SPIDR: variants seen among roughly 807,000 people sequenced by gnomAD.
SPIDR encodes DNA repair-scaffolding protein.
SPIDR carries 93 observed loss-of-function variants against 104.6 expected under a neutral mutation model. That is an observed-to-expected ratio of 0.89 (90% confidence interval 0.75 to 1.06). The LOEUF (loss-of-function observed/expected upper bound fraction) is 1.06. Ranked by LOEUF, SPIDR falls within the 50% of genes least tolerant of loss-of-function variation. SPIDR has a pLI of 0.00. For missense variants in SPIDR, 1,154 were observed against 1,111.2 expected (o/e 1.04, Z -0.55); for synonymous variants, 431 against 416.9 (o/e 1.03, Z -0.41).
At chr8:47,669,327 TGA>T (rs1246119155) in intron 10 of SPIDR, among the ~76,000 whole-genome samples, 1 of 152,222 alleles carries the variant, frequency 6.6e-6, no homozygotes, top group Non-Finnish European at 1.5e-5. Context: ...CGCAGGCTGC[TGA>T]TAAGCTGACG....
chr8:47,400,608 G>A (rs1477289064), intron 6 of SPIDR, among the ~76,000 whole-genome samples: 1 of 151,812 alleles, frequency 6.6e-6, no homozygotes, highest in African/African-American at 2.4e-5. Context: ...GAGCACATTG[G>A]CCCTTCTCTT....
chr8:47,624,458 T>G (rs992677314), intron 10 of SPIDR, among the ~76,000 whole-genome samples: 8 of 152,074 alleles, frequency 5.3e-5, no homozygotes, highest in African/African-American at 1.4e-4. Context: ...CCTGGTTTTT[T>G]GAAAAGATCA....
intron 11 of SPIDR, among the ~76,000 whole-genome samples, chr8:47,682,161 G>A: frequency 6.6e-6 from 1 of 151,502 alleles, no homozygotes; most frequent in African/African-American, 2.4e-5. Context: ...ACATGAAATG[G>A]GCCATAAAAG....
intron 5 of SPIDR, among the ~76,000 whole-genome samples, chr8:47,392,653 TA>T (rs1488163809): frequency 2.0e-5 from 3 of 152,242 alleles, no homozygotes; most frequent in Non-Finnish European, 4.4e-5. Context: ...TTACTGATGT[TA>T]AATTCTTCAC....
At chr8:47,497,708 T>C (rs2079663540) in intron 8 of SPIDR, among the ~76,000 whole-genome samples, 1 of 152,310 alleles carries the variant, frequency 6.6e-6, no homozygotes. Flanking sequence ...TGATTTTTTT[T>C]GGTAAGGCTT....
At chr8:47,602,420 C>T (rs180980748) in intron 10 of SPIDR, among the ~76,000 whole-genome samples, 1 of 152,310 alleles carries the variant, frequency 6.6e-6, no homozygotes, top group Admixed American at 6.5e-5. Flanking sequence ...TCAAACTATC[C>T]GTGAACTTAA....
intron 8 of SPIDR, among the ~76,000 whole-genome samples, chr8:47,539,183 A>G (rs1387395102): frequency 3.9e-5 from 6 of 152,268 alleles, no homozygotes. Context: ...TTTGAAAAAA[A>G]TGCTGAGAGA....
chr8:47,368,490 A>G (rs2057549954), intron 5 of SPIDR, among the ~76,000 whole-genome samples: 2 of 150,990 alleles, frequency 1.3e-5, no homozygotes, highest in Non-Finnish European at 2.9e-5. Flanking sequence ...AGATCCTTGG[A>G]TCCTGGTGTC....
intron 8 of SPIDR, among the ~76,000 whole-genome samples, chr8:47,443,992 A>G (rs1394803803): frequency 6.6e-6 from 1 of 152,196 alleles, no homozygotes; most frequent in Non-Finnish European, 1.5e-5. Flanking sequence ...TAATTGCATT[A>G]TGAAATAGTC....
At position 47,673,834 on chromosome 8, in the gene SPIDR, G is replaced by A. The variant is rs1422923975; in HGVS notation, c.1578G>A (p.Met526Ile). The change falls in exon 11 of 20, where the codon ATG (methionine) becomes ATA (isoleucine). Residue 526 changes from methionine (M) to isoleucine (I), a missense_variant. Physicochemically the swap from Met to Ile is conservative, Grantham distance 10 (BLOSUM62 1). Coordinates refer to ENST00000297423, the MANE Select transcript of SPIDR (RefSeq NM_001080394.4). Reference protein sequence around the residue: ...ACLLVQDACGMFGEVHLEFTM... With the variant: ...ACLLVQDACGIFGEVHLEFTM... The stretch of plus-strand genomic sequence containing the variant: ...TTCTGGTACAAGATGCCTGTGGAAT[G>A]TTCGGTGAAGTGCACTTGGAGTTCA... The A allele has an allele frequency of 2.5e-6, 4 of 1,614,164 alleles. No individual in the cohort carries two copies. The highest frequency in any genetic ancestry group is 3.4e-6 in the Non-Finnish European group (4 of 1,180,036).
chr8:47,667,705 G>A (rs2075167312), intron 10 of SPIDR: 1 of 152,028 alleles, frequency 6.6e-6, no homozygotes, highest in African/African-American at 2.4e-5. Flanking sequence ...CTGATAAAGA[G>A]AAGATAAATA....
chr8:47,597,230 T>A (rs2061721935), intron 9 of SPIDR, among the ~76,000 whole-genome samples: 1 of 152,310 alleles, frequency 6.6e-6, no homozygotes, highest in South Asian at 2.1e-4. Flanking sequence ...ACCTTTTTTT[T>A]TATACTTTAA....
At chr8:47,542,977 A>T (rs763403092) in intron 8 of SPIDR, among the ~76,000 whole-genome samples, 2 of 152,172 alleles carry the variant, frequency 1.3e-5, no homozygotes, top group Non-Finnish European at 2.9e-5. Flanking sequence ...TTCACTTGGG[A>T]TAATTTTCTG....
At chr8:47,460,266 CTA>C (rs1408785233) in intron 8 of SPIDR, among the ~76,000 whole-genome samples, 2 of 152,082 alleles carry the variant, frequency 1.3e-5, no homozygotes, top group Non-Finnish European at 2.9e-5. Flanking sequence ...TTGTTGCTGT[CTA>C]TCTCGTTACT....
chr8:47,405,202 CAT>C (rs1554666499), intron 6 of SPIDR, among the ~76,000 whole-genome samples: 2 of 150,772 alleles, frequency 1.3e-5, no homozygotes, highest in South Asian at 2.1e-4. Flanking sequence ...CGGGGCCTGT[CAT>C]GTGGTGGGGG....
intron 7 of SPIDR, among the ~76,000 whole-genome samples, chr8:47,413,905 A>G (rs782648438): frequency 7.9e-5 from 12 of 152,210 alleles, no homozygotes; most frequent in Non-Finnish European, 1.6e-4. Context: ...GTTAATCTCT[A>G]CAGACCTTCA....
rs540298760 is a variant in SPIDR at position 47,405,799 on chromosome 8, A to G, written c.777-2062A>G. Among the ~76,000 whole-genome samples, 80 of 152,258 alleles carry G rather than the reference A, an allele frequency of 5.3e-4. 1 individual carries two copies. The highest frequency in any genetic ancestry group is 1.8e-3 in the African/African-American group (74 of 41,554). The stretch of plus-strand genomic sequence containing the variant: ...TTGGTATGACTTAATTTTTTTTAAC[A>G]TGAGATATGTTTTTACTAGAAATAG... On this transcript the variant is annotated intron_variant, in intron 6 of 19. Transcript: ENST00000297423.
chr8:47,561,238 G>T (rs185592803), intron 8 of SPIDR, among the ~76,000 whole-genome samples: 12 of 152,344 alleles, frequency 7.9e-5, no homozygotes, highest in African/African-American at 2.9e-4. Flanking sequence ...TATCATGTCT[G>T]TGTGGCAGCA....
intron 5 of SPIDR, among the ~76,000 whole-genome samples, chr8:47,320,107 C>G (rs200870442): frequency 6.6e-6 from 1 of 152,080 alleles, no homozygotes; most frequent in African/African-American, 2.4e-5. Flanking sequence ...CAGAGCAGAA[C>G]TGAAGGAAAT....
Sources: allele counts gnomAD v4.1 joint callset (sites outside exome capture counted in the v4.1 genomes callset), GRCh38; gene constraint gnomAD v4.1.1; transcripts MANE v1.5; gene names NCBI Gene and HGNC (gene_info 2026-07-23, HGNC 2026-07-21).